The following NOL4 variants were observed in gnomAD, a reference collection of about 807,000 sequenced individuals.
NOL4 encodes cancer/testis antigen 125.
A neutral mutation model predicts 75.9 loss-of-function variants in NOL4; 17 were observed. The observed-to-expected ratio is 0.22, with a 90% CI of 0.15 to 0.34. The LOEUF (loss-of-function observed/expected upper bound fraction) is 0.34, where lower values mean the gene tolerates loss of function less well. NOL4 is among the 10% of genes least tolerant of loss of function. The probability of loss-of-function intolerance (pLI) is 1.00; values close to 1 mark genes in which losing one functional copy is unlikely to be tolerated. For missense variants in NOL4, 614 were observed against 793.5 expected, an observed-to-expected ratio of 0.77 and a Z score of 2.72; for synonymous variants, 292 against 289.9, an observed-to-expected ratio of 1.01 and a Z score of -0.07.
chr18:33,984,184 C>T (rs767884401), intron 6 of NOL4, among the ~76,000 whole-genome samples: 23 of 151,938 alleles, frequency 1.5e-4, no homozygotes, highest in African/African-American at 2.4e-4. Context: ...TACCAACAAA[C>T]GAAATCTCAA....
intron 1 of NOL4, among the ~76,000 whole-genome samples, chr18:34,136,303 C>T (rs2080889621): frequency 6.6e-6 from 1 of 152,252 alleles, no homozygotes; most frequent in South Asian, 2.1e-4. Flanking sequence ...TGTGCTCTAG[C>T]CACATCTATT....
At chr18:34,102,786 G>A (rs534507953) in intron 4 of NOL4, among the ~76,000 whole-genome samples, 76 of 151,706 alleles carry the variant, frequency 5.0e-4, no homozygotes, top group Middle Eastern at 3.4e-3. Flanking sequence ...ACTATATAAT[G>A]AATCATGAAG....
At chr18:34,218,277 G>A (rs760155885) in intron 1 of NOL4, among the ~76,000 whole-genome samples, 4 of 152,120 alleles carry the variant, frequency 2.6e-5, no homozygotes, top group South Asian at 2.1e-4. Context: ...GAGTAAACCC[G>A]TAGGGAGCAG....
intron 1 of NOL4, among the ~76,000 whole-genome samples, chr18:34,168,626 G>T (rs984427507): frequency 6.6e-6 from 1 of 151,184 alleles, no homozygotes; most frequent in South Asian, 2.1e-4. Context: ...GAAGAAGAAG[G>T]CTATTGTCCA....
At chr18:33,951,281 G>A (rs936299715) in intron 8 of NOL4, among the ~76,000 whole-genome samples, 8 of 152,084 alleles carry the variant, frequency 5.3e-5, no homozygotes, top group African/African-American at 1.9e-4. Context: ...GCTGAGCTGG[G>A]CATTGATTTG....
chr18:34,047,416 T>C (rs970706409), intron 5 of NOL4, among the ~76,000 whole-genome samples: 69 of 152,174 alleles, frequency 4.5e-4, no homozygotes, highest in African/African-American at 1.6e-3. Flanking sequence ...TGGAAACAAT[T>C]AAAAAACATC....
intron 9 of NOL4, among the ~76,000 whole-genome samples, chr18:33,886,911 TC>T: frequency 7.3e-6 from 1 of 136,144 alleles, no homozygotes. Context: ...TCTAGATATA[TC>T]TATATACATA....
intron 6 of NOL4, among the ~76,000 whole-genome samples, chr18:34,004,985 T>C (rs1265800623): frequency 6.6e-6 from 1 of 152,094 alleles, no homozygotes; most frequent in Non-Finnish European, 1.5e-5. Flanking sequence ...CAGGGCTTAT[T>C]TCCTATTTGG....
At chr18:33,968,163 A>G in intron 6 of NOL4, among the ~76,000 whole-genome samples, 1 of 152,168 alleles carries the variant, frequency 6.6e-6, no homozygotes, top group East Asian at 1.9e-4. Context: ...AGAAAAAAGA[A>G]TGCTTACACA....
chr18:33,929,550 C>A (rs2067548439), intron 9 of NOL4, among the ~76,000 whole-genome samples: 1 of 152,148 alleles, frequency 6.6e-6, no homozygotes, highest in African/African-American at 2.4e-5. Context: ...TATTCATATT[C>A]ATCTGCAGTA....
chr18:34,115,951 A>C (rs1351739117), intron 2 of NOL4, among the ~76,000 whole-genome samples: 3 of 152,080 alleles, frequency 2.0e-5, no homozygotes, highest in African/African-American at 7.2e-5. Context: ...TAAAGGCCTT[A>C]ATTCATTTGA....
intron 5 of NOL4, among the ~76,000 whole-genome samples, chr18:34,090,669 G>A (rs2078470079): frequency 6.6e-6 from 1 of 152,030 alleles, no homozygotes. Flanking sequence ...AAAAGGGGGG[G>A]AGGCATTGTC....
chr18:34,082,790 C>T (rs1053671155), intron 5 of NOL4, among the ~76,000 whole-genome samples: 4 of 152,096 alleles, frequency 2.6e-5, no homozygotes, highest in Non-Finnish European at 5.9e-5. Flanking sequence ...ATGAGTTGCA[C>T]GTTTTATTCT....
intron 2 of NOL4, among the ~76,000 whole-genome samples, chr18:34,128,593 C>G (rs552877367): frequency 6.6e-6 from 1 of 151,858 alleles, no homozygotes; most frequent in East Asian, 1.9e-4. Flanking sequence ...AGAATGTCTC[C>G]TGGAATGTGT....
intron 1 of NOL4, among the ~76,000 whole-genome samples, chr18:34,199,904 GGTAA>G (rs1400753397): frequency 2.0e-5 from 3 of 151,790 alleles, no homozygotes; most frequent in South Asian, 2.1e-4. Flanking sequence ...ATAAGCACAC[GGTAA>G]GTAATAGCTG....
At chr18:34,042,743 A>G (rs2076194791) in intron 5 of NOL4, among the ~76,000 whole-genome samples, 1 of 151,526 alleles carries the variant, frequency 6.6e-6, no homozygotes, top group South Asian at 2.1e-4. Context: ...TATTACAAAT[A>G]AGAGAAATCT....
At chr18:33,911,436 TC>T (rs2066398097) in intron 9 of NOL4, among the ~76,000 whole-genome samples, 1 of 152,104 alleles carries the variant, frequency 6.6e-6, no homozygotes, top group African/African-American at 2.4e-5. Flanking sequence ...TACTTTATTT[TC>T]TATTTTTTGT....
intron 5 of NOL4, among the ~76,000 whole-genome samples, chr18:34,050,386 C>T (rs890156854): frequency 1.3e-5 from 2 of 152,010 alleles, no homozygotes; most frequent in African/African-American, 4.8e-5. Context: ...AGAATTATTT[C>T]TAAATCATTT....
intron 1 of NOL4, among the ~76,000 whole-genome samples, chr18:34,191,236 C>T (rs1271018422): frequency 6.6e-6 from 1 of 152,016 alleles, no homozygotes; most frequent in Admixed American, 6.6e-5. Flanking sequence ...GTTGAAAATA[C>T]TATTAAGTCT....
Sources: allele counts gnomAD v4.1 joint callset (sites outside exome capture counted in the v4.1 genomes callset), GRCh38; gene constraint gnomAD v4.1.1; transcripts MANE v1.5; gene names NCBI Gene and HGNC (gene_info 2026-07-23, HGNC 2026-07-21).